The following SNX10 variants were observed in gnomAD, a reference collection of about 807,000 sequenced individuals.
SNX10 encodes sorting nexin-10.
SNX10 carries 25 observed loss-of-function variants against 28.5 expected under a neutral mutation model. The observed-to-expected ratio is 0.88, with a 90% CI of 0.64 to 1.22. The LOEUF is 1.22. SNX10 is among the 50% of genes most tolerant of loss of function. The probability of loss-of-function intolerance (pLI) is 0.00; values close to 1 mark genes in which losing one functional copy is unlikely to be tolerated. For synonymous variants in SNX10, 62 were observed against 81.4 expected (o/e 0.76, Z 1.28); for missense variants, 223 against 242.6 (o/e 0.92, Z 0.54).
intron 1 of SNX10, among the ~76,000 whole-genome samples, chr7:26,334,384 T>C (rs971270492): frequency 6.6e-6 from 1 of 152,222 alleles, no homozygotes; most frequent in African/African-American, 2.4e-5. Flanking sequence ...TCATATGTAA[T>C]TTTTCACAGC....
rs561082119 is a variant in SNX10 at position 26,314,347 on chromosome 7, T to G, written c.-24+22261T>G. On this transcript the variant is annotated intron_variant, in intron 1 of 6. Transcript: ENST00000338523. ...ATCTCAGCTCACTGCAACCTCTGCC[T>G]CCATTCAAACGATTCTCCTGCCTCA... Among the ~76,000 whole-genome samples the G allele has an allele frequency of 2.7e-3, 417 of 151,956 alleles. 2 individuals carry two copies. The highest frequency in any genetic ancestry group is 9.5e-3 in the African/African-American group (394 of 41,428).
At chr7:26,357,729 T>G (rs1788881818) in intron 2 of SNX10, among the ~76,000 whole-genome samples, 1 of 152,114 alleles carries the variant, frequency 6.6e-6, no homozygotes, top group Non-Finnish European at 1.5e-5. Context: ...TATGAAGGAC[T>G]TGGTCTGTGT....
In SNX10 at chr7:26,364,766, T is replaced by C. The variant is rs939086523; in HGVS notation, c.212+131T>C. 2.6e-5 allele frequency: 18 copies of C among 685,432 alleles called. No homozygotes were observed. Among genetic ancestry groups the C allele is most frequent in the Admixed American group, 1.2e-4 (4 of 33,264 alleles). The allele number at this position is 685,432 out of a possible 1,614,324, so 42.5% of individuals were successfully genotyped here. On this transcript the variant is annotated intron_variant, in intron 4 of 6. Transcript: ENST00000338523. The surrounding 1 kb of genome is among the most constrained non-coding windows in gnomAD (Gnocchi z 4.9). The stretch of plus-strand genomic sequence containing the variant: ...CCTTGATTACAATATGTAGCTTTAG[T>C]TTCTTAGCTACTGCATCTGAATTTA...
intron 5 of SNX10, among the ~76,000 whole-genome samples, chr7:26,369,847 A>T (rs1487902813): frequency 6.6e-6 from 1 of 152,108 alleles, no homozygotes; most frequent in East Asian, 1.9e-4. Flanking sequence ...ATCAACCTGG[A>T]CTCTGATCAC....
chr7:26,363,588 T>C (rs1400065284), intron 3 of SNX10, among the ~76,000 whole-genome samples: 1 of 152,178 alleles, frequency 6.6e-6, no homozygotes, highest in African/African-American at 2.4e-5. Context: ...TTTACTCTCG[T>C]CTTATGTTTA....
At chr7:26,316,064 G>T (rs1787071938) in intron 1 of SNX10, among the ~76,000 whole-genome samples, 2 of 151,170 alleles carry the variant, frequency 1.3e-5, no homozygotes, top group Admixed American at 1.3e-4. Flanking sequence ...GGCGCCTGTA[G>T]TCCCAGCTAC....
intron 2 of SNX10, among the ~76,000 whole-genome samples, chr7:26,354,901 G>A (rs1788755462): frequency 6.6e-6 from 1 of 151,880 alleles, no homozygotes; most frequent in South Asian, 2.1e-4. Context: ...CTAGTCCTAG[G>A]CCGAAAGATT....
rs1789203270 is a variant in SNX10, at chr7:26,364,287, G to T, written c.112-248G>T. 8.6e-7 allele frequency: 1 copy of T among 1,161,174 alleles called. No individual in the cohort carries two copies. Among genetic ancestry groups the T allele is most frequent in the Non-Finnish European group, 1.1e-6 (1 of 939,494 alleles). 71.9% of individuals were successfully genotyped at this position (1,161,174 alleles called of 1,614,324 possible). A position where few individuals can be genotyped will look rare whatever the true frequency, so the allele number is the denominator to read the frequency against. On this transcript the variant is annotated intron_variant, in intron 3 of 6. Coordinates refer to ENST00000338523, the MANE Select transcript of SNX10 (RefSeq NM_013322.3). The surrounding 1 kb of genome is among the most constrained non-coding windows in gnomAD (Gnocchi z 4.9). The stretch of plus-strand genomic sequence containing the variant: ...GGTGAGTAGGAGGCTCCTTCAGGAT[G>T]CAGGGAGTGGCCAGGTCATACCTCA...
Position 26,371,758 on chromosome 7 carries a change from T to G in SNX10, c.312-63T>G, listed in dbSNP as rs545545130. On this transcript the variant is annotated intron_variant, in intron 5 of 6. Coordinates refer to ENST00000338523, the MANE Select transcript of SNX10 (RefSeq NM_013322.3). Reference sequence around the variant, plus strand: ...AGTGGTACTTTTCTAATGTTTTTCTTTCTTCTACCCTATCACTGACCATCC... The same window carrying G: ...AGTGGTACTTTTCTAATGTTTTTCTGTCTTCTACCCTATCACTGACCATCC... The G allele has an allele frequency of 1.3e-5, 15 of 1,169,120 alleles. No homozygotes were observed. In the African/African-American group the frequency reaches 2.3e-4, roughly 18 times the overall value. 72.4% of individuals were successfully genotyped at this position (1,169,120 alleles called of 1,614,324 possible).
At chr7:26,353,460 T>TTGG (rs1788689204) in intron 2 of SNX10, among the ~76,000 whole-genome samples, 2 of 83,434 alleles carry the variant, frequency 2.4e-5, no homozygotes, top group African/African-American at 8.3e-5. Flanking sequence ...TTTTTTTTTT[T>TTGG]GGTGGGGAGA....
At chr7:26,318,339 T>C (rs1787173067) in intron 1 of SNX10, among the ~76,000 whole-genome samples, 1 of 152,254 alleles carries the variant, frequency 6.6e-6, no homozygotes, top group Non-Finnish European at 1.5e-5. Flanking sequence ...TGTGAAGATG[T>C]ACATGTATAT....
intron 1 of SNX10, among the ~76,000 whole-genome samples, chr7:26,299,816 C>T (rs1404329871): frequency 1.3e-5 from 2 of 152,078 alleles, no homozygotes; most frequent in Non-Finnish European, 2.9e-5. Context: ...AATCCCAGCC[C>T]TTTGGGAGGC....
At chr7:26,304,418 G>A (rs186124922) in intron 1 of SNX10, among the ~76,000 whole-genome samples, 27 of 152,252 alleles carry the variant, frequency 1.8e-4, no homozygotes, top group Middle Eastern at 3.4e-3. Context: ...GTTCCCCTCC[G>A]ATCCAATTTC....
chr7:26,294,155 T>C (rs1480017554), intron 1 of SNX10, among the ~76,000 whole-genome samples: 2 of 152,260 alleles, frequency 1.3e-5, no homozygotes, highest in Non-Finnish European at 2.9e-5. Context: ...GCCAAGCTCA[T>C]GGTTGACTCT....
At chr7:26,359,795 C>T (rs907289106) in intron 2 of SNX10, among the ~76,000 whole-genome samples, 2 of 151,982 alleles carry the variant, frequency 1.3e-5, no homozygotes, top group Non-Finnish European at 2.9e-5. Flanking sequence ...GTAGCTGGGA[C>T]TACAGGCACA....
At chr7:26,314,994 T>TCAAAA (rs57952868) in intron 1 of SNX10, among the ~76,000 whole-genome samples, 2 of 151,556 alleles carry the variant, frequency 1.3e-5, no homozygotes, top group Non-Finnish European at 2.9e-5. Context: ...TGAGACTGTC[T>TCAAAA]CAAAACAAAA....
At chr7:26,357,043 C>T in intron 2 of SNX10, 1 of 1,215,796 alleles carries the variant, frequency 8.2e-7, no homozygotes, top group Non-Finnish European at 1.1e-6. Context: ...TAATGGAAGG[C>T]ATTGGATGTA....
intron 1 of SNX10, among the ~76,000 whole-genome samples, chr7:26,324,581 G>T (rs746754992): frequency 6.6e-6 from 1 of 152,092 alleles, no homozygotes; most frequent in Non-Finnish European, 1.5e-5. Context: ...GGCTGGTCTT[G>T]AACTCCTGGC....
At chr7:26,299,662 G>A (rs924312575) in intron 1 of SNX10, among the ~76,000 whole-genome samples, 1 of 152,034 alleles carries the variant, frequency 6.6e-6, no homozygotes, top group Non-Finnish European at 1.5e-5. Flanking sequence ...GTGACCTCGT[G>A]ATCTGCCCGC....
Sources: allele counts gnomAD v4.1 joint callset (sites outside exome capture counted in the v4.1 genomes callset), GRCh38; gene constraint gnomAD v4.1.1; non-coding constraint Gnocchi (gnomAD v3.1); transcripts MANE v1.5; gene names NCBI Gene and HGNC (gene_info 2026-07-23, HGNC 2026-07-21).